LRRC4C: variants seen among roughly 807,000 people sequenced by gnomAD.
LRRC4C encodes the protein leucine rich repeat containing 4C.
LRRC4C carries 5 observed loss-of-function variants against 33.6 expected under a neutral mutation model. The observed-to-expected ratio is 0.15, with a 90% CI of 0.08 to 0.31. LRRC4C has a LOEUF of 0.31. Ranked by LOEUF, LRRC4C falls within the 10% of genes least tolerant of loss-of-function variation. LRRC4C has a pLI of 1.00. For synonymous variants in LRRC4C, 329 were observed against 302.0 expected (o/e 1.09, Z -0.93); for missense variants, 560 against 796.7 (o/e 0.70, Z 3.58).
chr11:41,347,199 G>A (rs1292663125), intron 1 of LRRC4C, among the ~76,000 whole-genome samples: 1 of 152,140 alleles, frequency 6.6e-6, no homozygotes, highest in South Asian at 2.1e-4. Context: ...TGGCTGAAAC[G>A]CTTGAGTTAT....
chr11:41,038,240 C>T (rs1252851834), intron 1 of LRRC4C, among the ~76,000 whole-genome samples: 1 of 152,156 alleles, frequency 6.6e-6, no homozygotes, highest in East Asian at 1.9e-4. Context: ...GCTCCAATAC[C>T]TTCAAATTAG....
intron 2 of LRRC4C, among the ~76,000 whole-genome samples, chr11:40,657,687 A>T (rs1340352565): frequency 6.6e-6 from 1 of 152,172 alleles, no homozygotes; most frequent in Non-Finnish European, 1.5e-5. Context: ...TACTTCTTAC[A>T]TATATTGTTG....
At chr11:41,067,233 T>C (rs373352932) in intron 1 of LRRC4C, among the ~76,000 whole-genome samples, 12 of 152,010 alleles carry the variant, frequency 7.9e-5, no homozygotes, top group African/African-American at 2.7e-4. Context: ...ATTTACCAAG[T>C]AAATGGAAAG....
chr11:40,737,010 G>T (rs149762203), intron 2 of LRRC4C, among the ~76,000 whole-genome samples: 1 of 151,816 alleles, frequency 6.6e-6, no homozygotes, highest in Non-Finnish European at 1.5e-5. Flanking sequence ...AATTAGATTC[G>T]TTTTGTCAAT....
chr11:41,214,455 G>C (rs560359013), intron 1 of LRRC4C, among the ~76,000 whole-genome samples: 379 of 151,588 alleles, frequency 2.5e-3, no homozygotes, highest in African/African-American at 8.8e-3. Context: ...TATAAATGCA[G>C]GCGCGATGGC....
chr11:41,335,040 C>T (rs1951408033), intron 1 of LRRC4C, among the ~76,000 whole-genome samples: 1 of 152,124 alleles, frequency 6.6e-6, no homozygotes, highest in African/African-American at 2.4e-5. Flanking sequence ...TACTATACTC[C>T]ACCACCTGGT....
At chr11:41,422,286 T>C (rs1209952198) in intron 1 of LRRC4C, among the ~76,000 whole-genome samples, 2 of 152,026 alleles carry the variant, frequency 1.3e-5, no homozygotes, top group Admixed American at 6.6e-5. Context: ...CTAATCATGA[T>C]TGGCCTGAAC....
At chr11:40,754,702 TAA>T (rs772064024) in intron 2 of LRRC4C, among the ~76,000 whole-genome samples, 11 of 152,252 alleles carry the variant, frequency 7.2e-5, no homozygotes, top group South Asian at 4.1e-4. Flanking sequence ...AGCAGTATCT[TAA>T]GAGTCATTTT....
chr11:40,240,367 T>G (rs1456518453), intron 5 of LRRC4C, among the ~76,000 whole-genome samples: 3 of 152,184 alleles, frequency 2.0e-5, no homozygotes, highest in African/African-American at 7.2e-5. Context: ...CCTCCATGTC[T>G]AATGGTTTGA....
At chr11:40,520,758 C>G (rs1955776723) in intron 3 of LRRC4C, among the ~76,000 whole-genome samples, 1 of 152,064 alleles carries the variant, frequency 6.6e-6, no homozygotes, top group African/African-American at 2.4e-5. Context: ...TACCACAAAC[C>G]TCCAATTCAT....
intron 1 of LRRC4C, among the ~76,000 whole-genome samples, chr11:41,122,516 G>A (rs1384258759): frequency 6.6e-6 from 1 of 151,932 alleles, no homozygotes; most frequent in East Asian, 1.9e-4. Flanking sequence ...AATTAGAAGA[G>A]ATCTGGATCA....
intron 1 of LRRC4C, among the ~76,000 whole-genome samples, chr11:41,411,470 A>C (rs1298979761): frequency 1.3e-5 from 2 of 151,966 alleles, no homozygotes; most frequent in African/African-American, 4.8e-5. Context: ...CTATTGGATA[A>C]AGTAGGTAAG....
At position 40,963,167 on chromosome 11, in the gene LRRC4C, TTTAA is replaced by T. The variant is rs1243533871; in HGVS notation, c.-495-29448_-495-29445del. 3.3e-5 allele frequency among the ~76,000 whole-genome samples: 5 copies of T among 151,766 alleles called. No homozygotes were observed. The East Asian group carries it at 5.8e-4, about 18-fold the overall frequency. On this transcript the variant is annotated intron_variant, in intron 1 of 6. Transcript: ENST00000528697. ...ACACTATTATTTTTATTACAACCACTTTAATTGTTATAAAAATTATGAAATTTCC... is the reference window on the plus strand; with the variant it reads ...ACACTATTATTTTTATTACAACCACTTTGTTATAAAAATTATGAAATTTCC...
At chr11:41,013,448 T>G (rs998837646) in intron 1 of LRRC4C, among the ~76,000 whole-genome samples, 2 of 152,192 alleles carry the variant, frequency 1.3e-5, no homozygotes, top group Non-Finnish European at 2.9e-5. Context: ...TATGAATACA[T>G]AGACATCTTT....
chr11:40,923,681 A>G (rs1248012365), intron 2 of LRRC4C, among the ~76,000 whole-genome samples: 2 of 152,186 alleles, frequency 1.3e-5, no homozygotes, highest in African/African-American at 4.8e-5. Flanking sequence ...TTACTAAACT[A>G]GTTTATTTGG....
chr11:40,330,876 GA>G lies in LRRC4C; in HGVS notation c.-269-11156del, dbSNP rs966632380. On this transcript the variant is annotated intron_variant, in intron 3 of 6. Coordinates refer to ENST00000528697, the MANE Select transcript of LRRC4C (RefSeq NM_001258419.2). ...CTCTTCTAGTTATTTGAAAATACAA[GA>G]TAAATTACTGTTAACTATAGTGTTA... 8.5e-5 allele frequency among the ~76,000 whole-genome samples: 13 copies of G among 152,202 alleles called. No individual in the cohort carries two copies. In the East Asian group the frequency reaches 1.5e-3, roughly 18 times the overall value.
chr11:40,678,323 G>A (rs1383781624), intron 2 of LRRC4C, among the ~76,000 whole-genome samples: 1 of 151,864 alleles, frequency 6.6e-6, no homozygotes, highest in African/African-American at 2.4e-5. Flanking sequence ...AGTCCCCAGT[G>A]TCCATTTAAT....
chr11:40,792,314 C>G (rs1201935853), intron 2 of LRRC4C, among the ~76,000 whole-genome samples: 1 of 151,288 alleles, frequency 6.6e-6, no homozygotes, highest in Non-Finnish European at 1.5e-5. Context: ...CTCGGTAGTG[C>G]TACCAGTTTT....
chr11:40,598,144 G>A (rs955598100), intron 3 of LRRC4C, among the ~76,000 whole-genome samples: 5 of 152,148 alleles, frequency 3.3e-5, no homozygotes, highest in Admixed American at 2.6e-4. Flanking sequence ...TTTTTAGTGA[G>A]GTTGAGTGGA....
Sources: gnomAD v4.1 joint callset for allele counts (sites outside exome capture counted in the v4.1 genomes callset) on GRCh38, gnomAD v4.1.1 for gene constraint, MANE v1.5 for transcripts, NCBI Gene and HGNC (gene_info 2026-07-23, HGNC 2026-07-21) for gene names.